Variants in FANCE observed in about 807,000 individuals in gnomAD.
The protein encoded by FANCE is Fanconi anemia group E protein.
In FANCE, 42 loss-of-function variants were observed where a neutral mutation model predicts 57.8. That is an observed-to-expected ratio of 0.73 (90% CI 0.57 to 0.94). The LOEUF is 0.94. Ranked by LOEUF, FANCE falls within the 40% of genes least tolerant of loss-of-function variation. The probability of loss-of-function intolerance (pLI) is 0.00; values close to 1 mark genes in which losing one functional copy is unlikely to be tolerated. For missense variants in FANCE, 608 were observed against 661.8 expected (o/e 0.92, Z 0.89); for synonymous variants, 251 against 286.4 (o/e 0.88, Z 1.25).
Position 35,455,499 on chromosome 6 carries a change from C to T in FANCE, c.249-248C>T, listed in dbSNP as rs142305814. Among the ~76,000 whole-genome samples, 369 of 152,006 alleles carry T rather than the reference C, an allele frequency of 2.4e-3. 2 individuals are homozygous for T. Among genetic ancestry groups the T allele is most frequent in the African/African-American group, 8.2e-3 (342 of 41,462 alleles). Reference sequence around the variant, plus strand: ...ATTTTTGTATTTTTTTTAGTAGAGACGGAGTTTCACCATGTTGGCCATGCA... The same window carrying T: ...ATTTTTGTATTTTTTTTAGTAGAGATGGAGTTTCACCATGTTGGCCATGCA... On this transcript the variant is annotated intron_variant, in intron 1 of 9. Coordinates refer to ENST00000229769, the MANE Select transcript of FANCE (RefSeq NM_021922.3).
At chr6:35,461,648 T>A (rs1334352727) in intron 8 of FANCE, among the ~76,000 whole-genome samples, 1 of 149,796 alleles carries the variant, frequency 6.7e-6, no homozygotes, top group African/African-American at 2.5e-5. Flanking sequence ...CTGACCTAAC[T>A]TCTTTTTTTT....
At chr6:35,458,519 G>GA in intron 5 of FANCE, 79 bp downstream of exon 5, 2 of 1,549,362 alleles carry the variant, frequency 1.3e-6, no homozygotes, top group Non-Finnish European at 1.8e-6. Flanking sequence ...TGGTACTTGA[G>GA]AGAGGGGATT....
Position 35,466,360 on chromosome 6 carries a change from AC to A in FANCE, c.*17del. The A allele has an allele frequency of 1.3e-6, 2 of 1,516,942 alleles. No individual in the cohort carries two copies. Among genetic ancestry groups the A allele is most frequent in the Non-Finnish European group, 9.2e-7 (1 of 1,091,388 alleles). The allele number at this position is 1,516,942 out of a possible 1,614,324, so 94.0% of individuals were successfully genotyped here. A position where few individuals can be genotyped will look rare whatever the true frequency, so the allele number is the denominator to read the frequency against. On this transcript the variant is annotated 3_prime_UTR_variant, in exon 10 of 10. Coordinates refer to ENST00000229769, the MANE Select transcript of FANCE (RefSeq NM_021922.3). ...TGGGCCCCTGACCATCCACCAAGGG[AC>A]CACCCTCTTGGTGCTCCATCACCAG...
chr6:35,456,016 T>G lies in FANCE; in HGVS notation c.518T>G (p.Leu173Arg), dbSNP rs761595006. 6.2e-7 allele frequency: 1 copy of G among 1,612,732 alleles called. No individual in the cohort carries two copies. Among genetic ancestry groups the G allele is most frequent in the South Asian group, 1.1e-5 (1 of 91,058 alleles). The change falls in exon 2 of 10, where the codon CTG (leucine) becomes CGG (arginine). Residue 173 changes from leucine (L) to arginine (R), a missense_variant. Physicochemically the swap from Leu to Arg is moderately radical, Grantham distance 102. Transcript: ENST00000229769. The surrounding 1 kb of genome is among the most constrained non-coding windows in gnomAD (Gnocchi z 4.3). Reference protein sequence around the residue: ...QLQSLCRGLGLGGRRLKSPQA... With the variant: ...QLQSLCRGLGRGGRRLKSPQA... ...CAAAGTCTATGTAGGGGGCTGGGCC[T>G]GGGGGGCAGGAGGTTGAAATCCCCC...
chr6:35,460,353 T>A (rs1767538497), intron 7 of FANCE, among the ~76,000 whole-genome samples, 199 bp from the exon 8 acceptor site: 1 of 152,160 alleles, frequency 6.6e-6, no homozygotes, highest in Non-Finnish European at 1.5e-5. Context: ...TGACCTCAGG[T>A]GATCCACCTG....
In FANCE at chr6:35,459,368, C is replaced by A; in HGVS notation, c.1151C>A (p.Thr384Lys). 1.2e-6 allele frequency: 2 copies of A among 1,614,172 alleles called. No homozygotes were observed. The highest frequency in any genetic ancestry group is 1.7e-6 in the Non-Finnish European group (2 of 1,180,038). ...ACTTCCTCAGCCTCCCGCCTGCTTACAACTGCCCTGACCTCCTTCTGTGCC... is the reference window on the plus strand; with the variant it reads ...ACTTCCTCAGCCTCCCGCCTGCTTAAAACTGCCCTGACCTCCTTCTGTGCC... ...SLTSSASRLL[T>K]TALTSFCAKY... is the part of the protein sequence containing the mutation. The change falls in exon 6 of 10, where the codon ACA (threonine) becomes AAA (lysine). Residue 384 changes from threonine to lysine, a missense_variant. Transcript: ENST00000229769.
chr6:35,455,923 G>T lies in FANCE; in HGVS notation c.425G>T (p.Arg142Met). The change falls in exon 2 of 10, where the codon AGG becomes ATG. Residue 142 changes from arginine to methionine, a missense_variant. Arg to Met is a moderately conservative substitution (Grantham distance 91). Transcript: ENST00000229769. The part of the protein sequence containing the change: ...WLRALGELLR[R>M]DLGVGTSMEG... ...CGTGCCCTGGGGGAATTGCTGCGAA[G>T]GGATTTGGGGGTGGGGACCTCCATG... The T allele has an allele frequency of 6.2e-7, 1 of 1,614,176 alleles. No individual in the cohort carries two copies. The highest frequency in any genetic ancestry group is 1.1e-5 in the South Asian group (1 of 91,086).
chr6:35,458,477 A>C (rs1767443492), intron 5 of FANCE, 37 bp downstream of exon 5: 1 of 1,612,642 alleles, frequency 6.2e-7, no homozygotes, highest in African/African-American at 1.3e-5. Context: ...TGCCAAGGAC[A>C]ATGGGGAAGA....
chr6:35,452,369 C>A lies in FANCE; in HGVS notation c.-177C>A, dbSNP rs1767135523. 1 of 613,700 alleles carries A rather than the reference C, an allele frequency of 1.6e-6. No homozygotes were observed. The highest frequency in any genetic ancestry group is 2.3e-6 in the Non-Finnish European group (1 of 435,720). The allele number at this position is 613,700 out of a possible 1,614,324, so 38.0% of individuals were successfully genotyped here. On this transcript the variant is annotated 5_prime_UTR_variant, in exon 1 of 10. Transcript: ENST00000229769. The stretch of plus-strand genomic sequence containing the variant: ...CTTTCCGACAGCGCGGGAACGGCTG[C>A]GGCTTCGGGCGGCCGGGTTTCTCCG...
chr6:35,458,290 T>C lies in FANCE; in HGVS notation c.970-7T>C. The stretch of plus-strand genomic sequence containing the variant: ...GTGTCCTCTCTCCCCCCGCACTCTG[T>C]AAGCAGATGGACTTGCTGTGTGCCC... On this transcript the variant is annotated splice_polypyrimidine_tract_variant and splice_region_variant and intron_variant, in intron 4 of 9. Coordinates refer to ENST00000229769, the MANE Select transcript of FANCE (RefSeq NM_021922.3). The C allele has an allele frequency of 6.2e-7, 1 of 1,613,700 alleles. No homozygotes were observed. Among genetic ancestry groups the C allele is most frequent in the South Asian group, 1.1e-5 (1 of 91,078 alleles).
chr6:35,457,135 T>A (rs1192494372), intron 2 of FANCE, among the ~76,000 whole-genome samples: 1 of 151,990 alleles, frequency 6.6e-6, no homozygotes, highest in Non-Finnish European at 1.5e-5. Flanking sequence ...ACTTTTTTTT[T>A]TTCTCCTCGA....
intron 2 of FANCE, among the ~76,000 whole-genome samples, 162 bp from the exon 3 acceptor site, chr6:35,457,394 T>C (rs1767388576): frequency 6.6e-6 from 1 of 152,166 alleles, no homozygotes; most frequent in Admixed American, 6.5e-5. Context: ...CCTCCCAAAG[T>C]GCTGGTGTGA....
intron 2 of FANCE, among the ~76,000 whole-genome samples, 178 bp from the exon 3 acceptor site, chr6:35,457,378 C>T (rs1767388176): frequency 6.6e-6 from 1 of 152,134 alleles, no homozygotes; most frequent in Non-Finnish European, 1.5e-5. Flanking sequence ...GATTCTCCAT[C>T]CTCAGCCTCC....
At chr6:35,459,249 T>A in intron 5 of FANCE, 82 bp from the exon 6 acceptor site, 1 of 1,554,910 alleles carries the variant, frequency 6.4e-7, no homozygotes, top group Non-Finnish European at 8.8e-7. Flanking sequence ...GTAACATGTA[T>A]CATCATCTGA....
intron 7 of FANCE, among the ~76,000 whole-genome samples, chr6:35,460,044 T>C (rs577109512): frequency 6.7e-6 from 1 of 149,684 alleles, no homozygotes; most frequent in South Asian, 2.1e-4. Context: ...CTGGCAGTTG[T>C]ATGAGCTCTG....
chr6:35,454,360 G>A (rs1767239378), intron 1 of FANCE, among the ~76,000 whole-genome samples: 1 of 152,132 alleles, frequency 6.6e-6, no homozygotes, highest in Non-Finnish European at 1.5e-5. Flanking sequence ...GAGCCACTGC[G>A]CCCAGCCCAT....
At chr6:35,454,063 GTTTGT>G (rs1767221505) in intron 1 of FANCE, among the ~76,000 whole-genome samples, 1 of 146,568 alleles carries the variant, frequency 6.8e-6, no homozygotes, top group Non-Finnish European at 1.5e-5. Context: ...GGTTTTTTTT[GTTTGT>G]TTTGTTTTTT....
chr6:35,455,029 G>A (rs1767269802), intron 1 of FANCE, among the ~76,000 whole-genome samples: 4 of 152,244 alleles, frequency 2.6e-5, no homozygotes, highest in Admixed American at 6.5e-5. Context: ...GACTGACCCC[G>A]AGAGTTCCAG....
At position 35,456,917 on chromosome 6, in the gene FANCE, G is replaced by A. The variant is rs1208771101; in HGVS notation, c.855+564G>A. 6.6e-6 allele frequency among the ~76,000 whole-genome samples: 1 copy of A among 152,140 alleles called. No homozygotes were observed. The highest frequency in any genetic ancestry group is 1.5e-5 in the Non-Finnish European group (1 of 68,030). ...GTTAAAGGGTGCCAGGCAAGGGAGA[G>A]GCTCTGGAGCCACCCCTGCTACCCC... is the stretch of plus-strand genomic sequence containing the variant. On this transcript the variant is annotated intron_variant, in intron 2 of 9. Coordinates refer to ENST00000229769, the MANE Select transcript of FANCE (RefSeq NM_021922.3). The surrounding 1 kb of genome is among the most constrained non-coding windows in gnomAD (Gnocchi z 4.3).
Sources: allele counts gnomAD v4.1 joint callset (sites outside exome capture counted in the v4.1 genomes callset), GRCh38; gene constraint gnomAD v4.1.1; non-coding constraint Gnocchi (gnomAD v3.1); transcripts MANE v1.5; gene names NCBI Gene and HGNC (gene_info 2026-07-23, HGNC 2026-07-21).